The following TTC21A variants were observed in gnomAD, a reference collection of about 807,000 sequenced individuals.
TTC21A encodes the protein tetratricopeptide repeat domain 21A, also known as tetratricopeptide repeat protein 21A.
TTC21A carries 128 observed loss-of-function variants against 156.4 expected under a neutral mutation model. The observed-to-expected ratio is 0.82, with a 90% confidence interval of 0.71 to 0.95. The LOEUF (loss-of-function observed/expected upper bound fraction) is 0.95. Ranked by LOEUF, TTC21A falls within the 40% of genes least tolerant of loss-of-function variation. The pLI is 0.00. For missense variants in TTC21A, 1,435 were observed against 1,602.3 expected (o/e 0.90, Z 1.78); for synonymous variants, 587 against 617.1 (o/e 0.95, Z 0.72).
chr3:39,112,374 G>T, intron 4 of TTC21A, 84 bp from the exon 5 acceptor site: 2 of 1,477,734 alleles, frequency 1.4e-6, no homozygotes, highest in Non-Finnish European at 9.4e-7. Context: ...CAGGGTTTTG[G>T]GTGGCAAAGT....
intron 12 of TTC21A, 84 bp downstream of exon 12, chr3:39,126,474 CTA>C (rs2038254462): frequency 1.1e-5 from 9 of 815,594 alleles, no homozygotes; most frequent in East Asian, 3.0e-5. Flanking sequence ...GCCTAGGATA[CTA>C]CACACACACA....
At chr3:39,124,257 G>A (rs1344669098) in intron 9 of TTC21A, among the ~76,000 whole-genome samples, 1 of 152,110 alleles carries the variant, frequency 6.6e-6, no homozygotes, top group Non-Finnish European at 1.5e-5. Context: ...ATAATTAGTA[G>A]GGCAATAAAT....
At chr3:39,126,155 T>A in intron 11 of TTC21A, 106 bp from the exon 12 acceptor site, 1 of 1,390,970 alleles carries the variant, frequency 7.2e-7, no homozygotes, top group Non-Finnish European at 1.0e-6. Context: ...TAAATAAGTG[T>A]GGAATGAAGC....
chr3:39,111,111 CTG>C lies in TTC21A; in HGVS notation c.435+95_435+96del, dbSNP rs1430738382. 15 of 1,398,940 alleles carry C rather than the reference CTG, an allele frequency of 1.1e-5. No individual in the cohort carries two copies. In the African/African-American group the frequency reaches 2.0e-4, roughly 19 times the overall value. 86.7% of individuals were successfully genotyped at this position (1,398,940 alleles called of 1,614,324 possible). On this transcript the variant is annotated intron_variant, in intron 4 of 28. Coordinates refer to ENST00000683103, the MANE Select transcript of TTC21A (RefSeq NM_001366900.1). ...CTCATTCCCACAAAGGGCCCTGAAA[CTG>C]GGGGAGAGCCACACCCAGGCACTGG...
chr3:39,138,363 A>C lies in TTC21A; in HGVS notation c.3772A>C (p.Ser1258Arg). Reference sequence around the variant, plus strand: ...CAACTACAAACTGGCCTGGAAGTACAGTCATCACGCCAACCCTGCCATTGG... The same window carrying C: ...CAACTACAAACTGGCCTGGAAGTACCGTCATCACGCCAACCCTGCCATTGG... ...VTNYKLAWKY[S>R]HHANPAIGFK... Residue 1258 changes from serine (S) to arginine (R), a missense_variant, in exon 27 of 29, where the codon AGT becomes CGT. By Grantham distance (110) the Ser-to-Arg change is moderately radical. Coordinates refer to ENST00000683103, the MANE Select transcript of TTC21A (RefSeq NM_001366900.1). 6.2e-7 allele frequency: 1 copy of C among 1,614,112 alleles called. No individual in the cohort carries two copies. The highest frequency in any genetic ancestry group is 1.1e-5 in the South Asian group (1 of 91,068).
chr3:39,115,537 G>A (rs182448439), intron 6 of TTC21A, among the ~76,000 whole-genome samples: 1 of 152,114 alleles, frequency 6.6e-6, no homozygotes, highest in East Asian at 1.9e-4. Context: ...ATGGTGGTGT[G>A]CACCTGAAGT....
At position 39,125,064 on chromosome 3, in the gene TTC21A, G is replaced by A. The variant is rs751820881; in HGVS notation, c.1095G>A (p.Gly365=). 4.4e-6 allele frequency: 7 copies of A among 1,607,404 alleles called. No individual in the cohort carries two copies. Among genetic ancestry groups the A allele is most frequent in the Non-Finnish European group, 6.0e-6 (7 of 1,173,924 alleles). The part of the protein sequence containing the change: ...LDKDGMAGLT[G]IILCHILEGH... ...ATCATTGTTTTGTCCCATTTACAGG[G>A]ATCATCTTGTGTCATATCTTAGAAG... The change falls in exon 10 of 29, where the codon GGG becomes GGA. Residue 365 remains glycine, a splice_region_variant and synonymous_variant. Transcript: ENST00000683103.
intron 9 of TTC21A, 46 bp from the exon 10 acceptor site, chr3:39,125,017 T>C (rs1207565232): frequency 8.0e-7 from 1 of 1,247,338 alleles, no homozygotes; most frequent in Non-Finnish European, 1.2e-6. Flanking sequence ...GGCTGCTGGC[T>C]ATGCTTCAGT....
rs912407415 is a variant in TTC21A, at chr3:39,138,694, TTCTC to T, written c.3865-11_3865-8del. On this transcript the variant is annotated splice_polypyrimidine_tract_variant and intron_variant, in intron 28 of 28. Transcript: ENST00000683103. Reference sequence around the variant, plus strand: ...AAACCTGCATGATACTGCACACCCATTCTCTCTCTGTTCCAGGTCCTCAGGGAGC... The same window carrying T: ...AAACCTGCATGATACTGCACACCCATTCTCTGTTCCAGGTCCTCAGGGAGC... 3.7e-6 allele frequency: 6 copies of T among 1,614,050 alleles called. No homozygotes were observed. Among genetic ancestry groups the T allele is most frequent in the East Asian group, 2.2e-5 (1 of 44,880 alleles).
intron 9 of TTC21A, among the ~76,000 whole-genome samples, chr3:39,121,557 G>C (rs1012843137): frequency 7.2e-5 from 11 of 152,164 alleles, no homozygotes; most frequent in Non-Finnish European, 1.2e-4. Flanking sequence ...AGAGCCTCTA[G>C]ATTCACCTCT....
Position 39,128,351 on chromosome 3 carries a change from A to G in TTC21A, c.1543A>G (p.Ser515Gly). The G allele has an allele frequency of 6.2e-7, 1 of 1,614,156 alleles. No homozygotes were observed. Among genetic ancestry groups the G allele is most frequent in the East Asian group, 2.2e-5 (1 of 44,880 alleles). Residue 515 changes from serine (S) to glycine (G), a missense_variant, in exon 13 of 29, where the codon AGC (serine) becomes GGC (glycine). By Grantham distance (56) the Ser-to-Gly change is moderately conservative. Coordinates refer to ENST00000683103, the MANE Select transcript of TTC21A (RefSeq NM_001366900.1). ...YYSGELENAQ[S>G]ILQRCLELDP... is the part of the protein sequence containing the mutation. ...TCTAGGAGAGCTAGAGAATGCCCAG[A>G]GCATCCTGCAGCGTTGCCTGGAGCT...
chr3:39,138,203 C>A (rs777965131), intron 26 of TTC21A, 64 bp from the exon 27 acceptor site: 49 of 1,608,104 alleles, frequency 3.0e-5, no homozygotes, highest in Non-Finnish European at 3.0e-5. Flanking sequence ...CCCAGTCCCA[C>A]CCTGGCCCAG....
At position 39,114,642 on chromosome 3, in the gene TTC21A, A is replaced by C; in HGVS notation, c.616A>C (p.Ile206Leu). The change falls in exon 6 of 29, where the codon ATC becomes CTC. Residue 206 changes from isoleucine (I) to leucine (L), a missense_variant. Transcript: ENST00000683103. ...AGAGGCCCTGGAGGTGGTGAACCAG[A>C]TCACTGTGACTTCAGGGAGCTTCCT... ...YSEALEVVNQ[I>L]TVTSGSFLPA... The C allele has an allele frequency of 6.2e-7, 1 of 1,614,206 alleles. No individual in the cohort carries two copies. Among genetic ancestry groups the C allele is most frequent in the Admixed American group, 1.7e-5 (1 of 60,016 alleles).
rs752371358 is a variant in TTC21A, at chr3:39,137,690, C to T, written c.3655C>T (p.Arg1219Cys). Reference protein sequence around the residue: ...KFDLALELLRRCVQYNKSCYK... With the variant: ...KFDLALELLRCCVQYNKSCYK... ...CGACCTCGCCTTAGAACTGCTGCGG[C>T]GCTGTGTGCAATACAACAAGGCAAG... Residue 1219 changes from arginine to cysteine, a missense_variant, in exon 26 of 29, where the codon CGC becomes TGC. By Grantham distance (180) the Arg-to-Cys change is radical. Coordinates refer to ENST00000683103, the MANE Select transcript of TTC21A (RefSeq NM_001366900.1). The T allele has an allele frequency of 3.0e-5, 48 of 1,612,794 alleles. No individual in the cohort carries two copies. In the Admixed American group the frequency reaches 5.0e-4, roughly 17 times the overall value.
Position 39,128,734 on chromosome 3 carries a change from C to G in TTC21A, c.1698C>G (p.Leu566=). 3.7e-6 allele frequency: 6 copies of G among 1,614,172 alleles called. No individual in the cohort carries two copies. The highest frequency in any genetic ancestry group is 5.1e-6 in the Non-Finnish European group (6 of 1,180,028). Residue 566 remains leucine, a synonymous_variant, in exon 14 of 29, where the codon CTC becomes CTG. Transcript: ENST00000683103. ...CCTCCTAGGTCCGAGATCACCCCCTCTACCACCTCATCAAGGCCAGGGCCC... is the reference window on the plus strand; with the variant it reads ...CCTCCTAGGTCCGAGATCACCCCCTGTACCACCTCATCAAGGCCAGGGCCC... ...SHNFQVRDHP[L]YHLIKARALN...
chr3:39,128,761 C>T lies in TTC21A; in HGVS notation c.1725C>T (p.Leu575=). The change falls in exon 14 of 29, where the codon CTC becomes CTT. Residue 575 remains leucine (L), a synonymous_variant. Coordinates refer to ENST00000683103, the MANE Select transcript of TTC21A (RefSeq NM_001366900.1). The part of the protein sequence containing the change: ...PLYHLIKARA[L]NKAGDYPEAI... Reference sequence around the variant, plus strand: ...ACCACCTCATCAAGGCCAGGGCCCTCAACAAGGCTGGAGACTATCCAGAGG... The same window carrying T: ...ACCACCTCATCAAGGCCAGGGCCCTTAACAAGGCTGGAGACTATCCAGAGG... The T allele has an allele frequency of 2.5e-6, 4 of 1,614,152 alleles. No individual in the cohort carries two copies. Among genetic ancestry groups the T allele is most frequent in the Non-Finnish European group, 3.4e-6 (4 of 1,180,032 alleles).
At position 39,138,713 on chromosome 3, in the gene TTC21A, C is replaced by G; in HGVS notation, c.3867C>G (p.Val1289=). 1.9e-6 allele frequency: 3 copies of G among 1,614,096 alleles called. No individual in the cohort carries two copies. Among genetic ancestry groups the G allele is most frequent in the Non-Finnish European group, 2.5e-6 (3 of 1,180,006 alleles). Residue 1289 remains valine (V), a splice_region_variant and synonymous_variant, in exon 29 of 29, where the codon GTC becomes GTG. Transcript: ENST00000683103. ...FVEAIEICND[V]LREHPDYPKI... ...CACCCATTCTCTCTCTGTTCCAGGT[C>G]CTCAGGGAGCACCCCGACTACCCCA...
rs757937272 is a variant in TTC21A at position 39,129,190 on chromosome 3, C to G, written c.2015C>G (p.Ala672Gly). ...LVLSKGNVDV[A>G]LNMLRNILPK... ...CTGAGCAAGGGCAATGTGGACGTGG[C>G]GCTGAACATGCTAAGGAACATCTTG... The change falls in exon 15 of 29, where the codon GCG (alanine) becomes GGG (glycine). Residue 672 changes from alanine (A) to glycine (G), a missense_variant. Ala to Gly is a moderately conservative substitution (Grantham distance 60, BLOSUM62 0). Coordinates refer to ENST00000683103, the MANE Select transcript of TTC21A (RefSeq NM_001366900.1). 1.2e-6 allele frequency: 2 copies of G among 1,614,058 alleles called. No individual in the cohort carries two copies. Among genetic ancestry groups the G allele is most frequent in the African/African-American group, 2.7e-5 (2 of 74,920 alleles).
rs765675658 is a variant in TTC21A, at chr3:39,125,510, A to G, written c.1370A>G (p.Tyr457Cys). 9 of 1,613,528 alleles carry G rather than the reference A, an allele frequency of 5.6e-6. No individual in the cohort carries two copies. Among genetic ancestry groups the G allele is most frequent in the Admixed American group, 1.7e-5 (1 of 60,010 alleles). ...TTCCTGGTCTGCATTGCTAAGGAGT[A>G]CTTGCTCTTCTGCCCCAAGCAGGTT... ...PYFLVCIAKE[Y>C]LLFCPKQPRL... is the part of the protein sequence containing the mutation. The change falls in exon 11 of 29, where the codon TAC becomes TGC. Residue 457 changes from tyrosine (Y) to cysteine (C), a missense_variant. Tyr to Cys is a radical substitution (Grantham distance 194, BLOSUM62 -2). Coordinates refer to ENST00000683103, the MANE Select transcript of TTC21A (RefSeq NM_001366900.1).
Sources: gnomAD v4.1 joint callset for allele counts (sites outside exome capture counted in the v4.1 genomes callset) on GRCh38, gnomAD v4.1.1 for gene constraint, MANE v1.5 for transcripts, NCBI Gene and HGNC (gene_info 2026-07-23, HGNC 2026-07-21) for gene names.